The following CNBD1 variants were observed in gnomAD, a reference collection of about 807,000 sequenced individuals.
CNBD1 encodes cyclic nucleotide-binding domain-containing protein 1.
A neutral mutation model predicts 54.4 loss-of-function variants in CNBD1; 71 were observed. The ratio of observed to expected loss-of-function variants is 1.30; its 90% confidence interval spans 1.08 to 1.59. The LOEUF (loss-of-function observed/expected upper bound fraction) is 1.59, where lower values mean the gene tolerates loss of function less well. CNBD1 is among the 40% of genes most tolerant of loss of function. CNBD1 has a pLI of 0.00. For synonymous variants in CNBD1, 182 were observed against 170.7 expected (o/e 1.07, Z -0.51); for missense variants, 659 against 518.0 (o/e 1.27, Z -2.64).
At chr8:86,914,882 C>A (rs548356752) in intron 3 of CNBD1, among the ~76,000 whole-genome samples, 1 of 152,246 alleles carries the variant, frequency 6.6e-6, no homozygotes, top group African/African-American at 2.4e-5. Context: ...ATGCTTAACT[C>A]AAAATGGCAC....
intron 6 of CNBD1, among the ~76,000 whole-genome samples, chr8:87,253,801 GAACAACAAAAAC>G (rs1340076038): frequency 2.6e-5 from 4 of 152,122 alleles, no homozygotes; most frequent in Non-Finnish European, 5.9e-5. Context: ...CAAAAGTGAT[GAACAACAAAAAC>G]AACAACAAAA....
chr8:87,000,504 A>G (rs1162218314), intron 4 of CNBD1, among the ~76,000 whole-genome samples: 1 of 152,210 alleles, frequency 6.6e-6, no homozygotes, highest in Non-Finnish European at 1.5e-5. Context: ...AGCAAATTAT[A>G]TAATCTCATT....
intron 5 of CNBD1, among the ~76,000 whole-genome samples, chr8:87,206,901 C>T (rs1813988231): frequency 6.6e-6 from 1 of 152,164 alleles, no homozygotes; most frequent in Non-Finnish European, 1.5e-5. Flanking sequence ...TTCAAACACA[C>T]TTCAGCCTAA....
At chr8:87,425,314 G>C (rs560765415) in intron 2 of CNBD1, among the ~76,000 whole-genome samples, 2,764 of 152,206 alleles carry the variant, frequency 0.018, 82 homozygotes, top group African/African-American at 0.06. Flanking sequence ...GCCTTCTTCT[G>C]TCAGCTCGTC....
intron 4 of CNBD1, among the ~76,000 whole-genome samples, chr8:87,040,417 C>CTT (rs1810040020): frequency 7.8e-6 from 1 of 128,724 alleles, no homozygotes; most frequent in Non-Finnish European, 1.7e-5. Flanking sequence ...GTAATGAATT[C>CTT]TTTTTCTTTT....
At chr8:86,917,075 T>C (rs1043340750) in intron 3 of CNBD1, among the ~76,000 whole-genome samples, 1 of 152,012 alleles carries the variant, frequency 6.6e-6, no homozygotes, top group African/African-American at 2.4e-5. Flanking sequence ...TTTCACCATG[T>C]TGGCCAGGCT....
downstream of CNBD1, among the ~76,000 whole-genome samples, chr8:87,386,744 G>A (rs1425508243): frequency 1.3e-5 from 2 of 152,078 alleles, no homozygotes; most frequent in African/African-American, 2.4e-5. Context: ...TCAAATTCAG[G>A]AAATACAGAG....
intron 5 of CNBD1, among the ~76,000 whole-genome samples, chr8:87,224,598 C>T (rs1814433228): frequency 1.3e-5 from 2 of 151,620 alleles, no homozygotes; most frequent in Admixed American, 1.3e-4. Context: ...TTCCATTGAT[C>T]TATATCTCTG....
At chr8:87,167,228 G>A (rs1224880905) in intron 4 of CNBD1, among the ~76,000 whole-genome samples, 1 of 151,674 alleles carries the variant, frequency 6.6e-6, no homozygotes, top group African/African-American at 2.4e-5. Context: ...TTGTTTCTAC[G>A]GACATTTCTT....
chr8:87,067,108 A>G (rs1332817231), intron 4 of CNBD1, among the ~76,000 whole-genome samples: 1 of 152,002 alleles, frequency 6.6e-6, no homozygotes, highest in Non-Finnish European at 1.5e-5. Flanking sequence ...GGCTGGGTGT[A>G]GAAGCATCGC....
In CNBD1 at chr8:86,933,266, A is replaced by G. The variant is rs186256301; in HGVS notation, c.273-6330A>G. 2.9e-4 allele frequency among the ~76,000 whole-genome samples: 44 copies of G among 152,320 alleles called. No individual in the cohort carries two copies. In the East Asian group the frequency reaches 8.5e-3, roughly 29 times the overall value. On this transcript the variant is annotated intron_variant, in intron 3 of 10. Coordinates refer to ENST00000518476, the MANE Select transcript of CNBD1 (RefSeq NM_173538.3). ...TTACTTATATAAGACTGGTCATAGT[A>G]GCCAAGTTTGTATACAAAACAAAAA...
chr8:87,319,918 T>C (rs971479593), intron 8 of CNBD1, among the ~76,000 whole-genome samples: 8 of 152,152 alleles, frequency 5.3e-5, no homozygotes, highest in Non-Finnish European at 5.9e-5. Context: ...TCTTGATGTT[T>C]TAACAACAAA....
At chr8:87,259,565 CTTAT>C (rs1169992751) in intron 6 of CNBD1, among the ~76,000 whole-genome samples, 1 of 152,080 alleles carries the variant, frequency 6.6e-6, no homozygotes, top group African/African-American at 2.4e-5. Context: ...GATTTAAGTG[CTTAT>C]TTTTGTTTAA....
At chr8:87,368,241 T>G (rs912384885) in intron 10 of CNBD1, among the ~76,000 whole-genome samples, 1 of 151,832 alleles carries the variant, frequency 6.6e-6, no homozygotes, top group Admixed American at 6.6e-5. Flanking sequence ...AGCCTAAGAA[T>G]GTAGAAATTT....
At chr8:86,875,338 G>T (rs12335037) in intron 1 of CNBD1, among the ~76,000 whole-genome samples, 52 of 151,990 alleles carry the variant, frequency 3.4e-4, no homozygotes, top group African/African-American at 1.2e-3. Context: ...CCCTGGTCTT[G>T]GATGCTGTGA....
At chr8:86,894,038 T>A (rs1019918480) in intron 2 of CNBD1, among the ~76,000 whole-genome samples, 2 of 31,028 alleles carry the variant, frequency 6.4e-5, no homozygotes, top group African/African-American at 4.7e-4. Flanking sequence ...TAGATTAATT[T>A]TTTTTTTTTT....
intron 4 of CNBD1, among the ~76,000 whole-genome samples, chr8:87,142,520 C>T (rs1025289057): frequency 6.6e-6 from 1 of 151,976 alleles, no homozygotes; most frequent in Non-Finnish European, 1.5e-5. Flanking sequence ...AGGCTAAATA[C>T]ATTTAACTCT....
At chr8:86,876,713 T>C (rs1380059275) in intron 1 of CNBD1, among the ~76,000 whole-genome samples, 3 of 151,970 alleles carry the variant, frequency 2.0e-5, no homozygotes, top group East Asian at 1.9e-4. Context: ...CTATATTCCA[T>C]AGGTTCATGA....
chr8:87,316,378 TG>T (rs1167674162), intron 8 of CNBD1, among the ~76,000 whole-genome samples: 1 of 152,056 alleles, frequency 6.6e-6, no homozygotes, highest in Non-Finnish European at 1.5e-5. Flanking sequence ...CTTATCACAC[TG>T]GCAAATTTTT....
Sources: gnomAD v4.1 joint callset for allele counts (sites outside exome capture counted in the v4.1 genomes callset) on GRCh38, gnomAD v4.1.1 for gene constraint, MANE v1.5 for transcripts, NCBI Gene and HGNC (gene_info 2026-07-23, HGNC 2026-07-21) for gene names.